PIP5K1B: variants seen among roughly 807,000 people sequenced by gnomAD.
PIP5K1B encodes the protein phosphatidylinositol-4-phosphate 5-kinase type 1 beta.
A neutral mutation model predicts 67.0 loss-of-function variants in PIP5K1B; 42 were observed. That is an observed-to-expected ratio of 0.63 (90% confidence interval 0.49 to 0.81). PIP5K1B has a LOEUF of 0.81. Among genes scored for constraint, PIP5K1B ranks in the 30% least tolerant of loss-of-function variants. The probability of loss-of-function intolerance (pLI) is 0.00; values close to 1 mark genes in which losing one functional copy is unlikely to be tolerated. For missense variants in PIP5K1B, 459 were observed against 646.3 expected (o/e 0.71, Z 3.14); for synonymous variants, 214 against 231.4 (o/e 0.92, Z 0.68).
intron 2 of PIP5K1B, among the ~76,000 whole-genome samples, chr9:68,786,825 G>C (rs1023143657): frequency 9.2e-5 from 14 of 152,144 alleles, no homozygotes; most frequent in African/African-American, 3.4e-4. Context: ...AAGTCTATGA[G>C]GAAATGACCA....
chr9:68,859,289 A>G (rs1270741313), intron 4 of PIP5K1B, among the ~76,000 whole-genome samples: 3 of 152,222 alleles, frequency 2.0e-5, no homozygotes, highest in Non-Finnish European at 2.9e-5. Context: ...TTACCATCAT[A>G]TCTGAACATG....
intron 14 of PIP5K1B, among the ~76,000 whole-genome samples, chr9:68,958,558 C>T (rs981059708): frequency 1.3e-5 from 2 of 152,194 alleles, no homozygotes; most frequent in Non-Finnish European, 2.9e-5. Flanking sequence ...TTTATTGAGA[C>T]ATCCAAGCAG....
intron 2 of PIP5K1B, among the ~76,000 whole-genome samples, chr9:68,804,534 C>G (rs369199220): frequency 2.0e-5 from 3 of 152,100 alleles, no homozygotes; most frequent in African/African-American, 7.2e-5. Flanking sequence ...CATCCTGGCT[C>G]CAACTGTATG....
intron 7 of PIP5K1B, among the ~76,000 whole-genome samples, chr9:68,889,728 CCTT>C (rs1824675861): frequency 7.5e-6 from 1 of 132,852 alleles, no homozygotes; most frequent in Admixed American, 7.9e-5. Context: ...GAGCGAGACT[CCTT>C]CTCAAAAAAA....
intron 15 of PIP5K1B, among the ~76,000 whole-genome samples, chr9:68,997,499 G>A (rs1830647058): frequency 6.6e-6 from 1 of 152,178 alleles, no homozygotes; most frequent in Non-Finnish European, 1.5e-5. Flanking sequence ...AGAGTAGGAA[G>A]GAGAAAAGAC....
At chr9:68,941,855 G>A (rs776712176) in intron 14 of PIP5K1B, among the ~76,000 whole-genome samples, 6 of 152,148 alleles carry the variant, frequency 3.9e-5, no homozygotes, top group Admixed American at 6.5e-5. Context: ...ACCTGCTATA[G>A]GAATTCTTTT....
At position 68,861,902 on chromosome 9, in the gene PIP5K1B, G is replaced by T. The variant is rs1002735807; in HGVS notation, c.70-1935G>T. Among the ~76,000 whole-genome samples the T allele has an allele frequency of 4.1e-4, 60 of 145,752 alleles. No individual in the cohort carries two copies. In the East Asian group the frequency reaches 4.4e-3, roughly 11 times the overall value. On this transcript the variant is annotated intron_variant, in intron 4 of 15. Coordinates refer to ENST00000265382, the MANE Select transcript of PIP5K1B (RefSeq NM_003558.4). ...GGGTTTTTTTGTTTGTTTGTTTTTT[G>T]TTTTTTTTTTTTAAGAAACACTGAA...
intron 4 of PIP5K1B, among the ~76,000 whole-genome samples, chr9:68,836,363 A>G (rs2132130396): frequency 6.6e-6 from 1 of 152,352 alleles, no homozygotes; most frequent in Middle Eastern, 3.4e-3. Context: ...AGTTGTAAAT[A>G]CAAAAGAGAT....
At chr9:68,867,230 C>T (rs1295999889) in intron 5 of PIP5K1B, among the ~76,000 whole-genome samples, 5 of 152,058 alleles carry the variant, frequency 3.3e-5, no homozygotes, top group South Asian at 2.1e-4. Context: ...ATTATTGTCC[C>T]GGTTTGGCTC....
At chr9:68,970,147 G>A (rs1829281607) in intron 14 of PIP5K1B, among the ~76,000 whole-genome samples, 1 of 152,188 alleles carries the variant, frequency 6.6e-6, no homozygotes, top group Admixed American at 6.5e-5. Context: ...TGAATCCAGT[G>A]ACTTTTCCAT....
rs190604801 is a variant in PIP5K1B at position 68,973,188 on chromosome 9, A to G, written c.1503-17952A>G. On this transcript the variant is annotated intron_variant, in intron 14 of 15. Transcript: ENST00000265382. ...CCCGCAACAGCTCAGACGTAATACA[A>G]CAACCTCATCTGTTGCAGTGAACTC... is the stretch of plus-strand genomic sequence containing the variant. 1.8e-4 allele frequency among the ~76,000 whole-genome samples: 28 copies of G among 152,292 alleles called. No homozygotes were observed. The East Asian group carries it at 5.4e-3, about 29-fold the overall frequency.
intron 4 of PIP5K1B, among the ~76,000 whole-genome samples, chr9:68,859,747 C>G (rs926425661): frequency 1.3e-5 from 2 of 152,308 alleles, no homozygotes; most frequent in Non-Finnish European, 1.5e-5. Context: ...ACACTTCACA[C>G]AGAAGGTTCT....
At chr9:68,794,684 A>C (rs1832187461) in intron 2 of PIP5K1B, among the ~76,000 whole-genome samples, 1 of 142,884 alleles carries the variant, frequency 7.0e-6, no homozygotes, top group African/African-American at 2.6e-5. Context: ...CTCTTCAGTG[A>C]GTGCTGTAAA....
chr9:68,853,879 A>T (rs1210443980), intron 4 of PIP5K1B, among the ~76,000 whole-genome samples: 1 of 152,098 alleles, frequency 6.6e-6, no homozygotes, highest in Non-Finnish European at 1.5e-5. Flanking sequence ...CTCTTCAAAA[A>T]ACACCTTTCC....
chr9:68,880,417 C>T (rs980328073), intron 6 of PIP5K1B, among the ~76,000 whole-genome samples: 6 of 151,958 alleles, frequency 3.9e-5, no homozygotes, highest in African/African-American at 1.2e-4. Flanking sequence ...TAGCTGGGCA[C>T]GGTGGCATGA....
chr9:68,925,893 G>A (rs1444890867), intron 12 of PIP5K1B, among the ~76,000 whole-genome samples: 2 of 141,008 alleles, frequency 1.4e-5, no homozygotes, highest in Admixed American at 8.2e-5. Flanking sequence ...TGTCTCCTGG[G>A]TTTAAGCGAT....
At chr9:68,727,951 A>G (rs534469404) in intron 1 of PIP5K1B, among the ~76,000 whole-genome samples, 2 of 152,326 alleles carry the variant, frequency 1.3e-5, no homozygotes, top group East Asian at 1.9e-4. Context: ...TTGAGTGCCT[A>G]TTAACACAGC....
At chr9:68,844,614 GGA>G in intron 4 of PIP5K1B, among the ~76,000 whole-genome samples, 1 of 79,222 alleles carries the variant, frequency 1.3e-5, no homozygotes, top group Non-Finnish European at 3.1e-5. Context: ...ATCCAATGGG[GGA>G]GATCTAATGG....
chr9:69,007,653 C>T (rs565049182), intron 15 of PIP5K1B, among the ~76,000 whole-genome samples: 2 of 152,118 alleles, frequency 1.3e-5, no homozygotes, highest in African/African-American at 2.4e-5. Flanking sequence ...GTCAGGAGTT[C>T]AAGACCATCC....
Sources: allele counts gnomAD v4.1 joint callset (sites outside exome capture counted in the v4.1 genomes callset), GRCh38; gene constraint gnomAD v4.1.1; transcripts MANE v1.5; gene names NCBI Gene and HGNC (gene_info 2026-07-23, HGNC 2026-07-21).